The following ACOXL variants were observed in gnomAD, a reference collection of about 807,000 sequenced individuals.
ACOXL encodes acyl-CoA oxidase like, also known as acyl-coenzyme A oxidase-like protein.
ACOXL carries 70 observed loss-of-function variants against 71.9 expected under a neutral mutation model. The ratio of observed to expected loss-of-function variants is 0.97; its 90% CI spans 0.80 to 1.19. The LOEUF (loss-of-function observed/expected upper bound fraction) is 1.19. Ranked by LOEUF, ACOXL falls within the 50% of genes most tolerant of loss-of-function variation. The pLI is 0.00. For missense variants in ACOXL, 703 were observed against 736.3 expected (o/e 0.95, Z 0.52); for synonymous variants, 253 against 281.6 (o/e 0.90, Z 1.02).
intron 10 of ACOXL, among the ~76,000 whole-genome samples, chr2:110,889,339 G>GATATATC (rs1697677095): frequency 6.6e-6 from 1 of 152,128 alleles, no homozygotes; most frequent in Non-Finnish European, 1.5e-5. Context: ...CAGCTTTATT[G>GATATATC]ATATATCATC....
At chr2:111,036,176 G>A (rs147049413) in intron 15 of ACOXL, among the ~76,000 whole-genome samples, 1 of 152,332 alleles carries the variant, frequency 6.6e-6, no homozygotes, top group African/African-American at 2.4e-5. Flanking sequence ...GTTACTACTG[G>A]AGGTGGAGGC....
intron 16 of ACOXL, among the ~76,000 whole-genome samples, chr2:111,091,473 C>T (rs1182646532): frequency 1.3e-5 from 2 of 152,174 alleles, no homozygotes; most frequent in Non-Finnish European, 2.9e-5. Context: ...TAAATTTCTG[C>T]ACCTAGAAAC....
intron 17 of ACOXL, among the ~76,000 whole-genome samples, chr2:111,111,037 C>T (rs1173583558): frequency 6.6e-6 from 1 of 152,040 alleles, no homozygotes; most frequent in Non-Finnish European, 1.5e-5. Flanking sequence ...AGTATGTTTG[C>T]ATTTCTTTGG....
chr2:110,839,808 C>T (rs1256040579), intron 9 of ACOXL, among the ~76,000 whole-genome samples: 1 of 152,114 alleles, frequency 6.6e-6, no homozygotes, highest in Non-Finnish European at 1.5e-5. Context: ...GCCTGGGGAT[C>T]CTCCTATCAT....
Position 110,768,434 on chromosome 2 carries a change from G to C in ACOXL, c.45G>C (p.Leu15=). The change falls in exon 2 of 18, where the codon CTG becomes CTC. Residue 15 remains leucine (L), a synonymous_variant. Transcript: ENST00000439055. ...TVQRVKFAMD[L]PLLKRAGQDL... ...AGAGAGTGAAGTTTGCCATGGACCT[G>C]CCTCTGTTAAAACGTGCAGGTCAGG... 6.2e-7 allele frequency: 1 copy of C among 1,613,842 alleles called. No individual in the cohort carries two copies.
chr2:111,049,016 ACT>A (rs1022865975), intron 15 of ACOXL, among the ~76,000 whole-genome samples, 200 bp from the exon 16 acceptor site: 4 of 151,762 alleles, frequency 2.6e-5, no homozygotes, highest in African/African-American at 4.8e-5. Context: ...TACTGTAATG[ACT>A]CTGTCTGATG....
In ACOXL at chr2:110,793,669, T is replaced by C. The variant is rs1370461839; in HGVS notation, c.179T>C (p.Leu60Pro). ...TGVKCGIIYWLFGGAIRNLGS... is the reference protein window; with the variant it reads ...TGVKCGIIYWPFGGAIRNLGS... ...TTCCAGTGCGGAATAATTTATTGGCTATTTGGTGGTGCTATCAGGAATCTC... is the reference window on the plus strand; with the variant it reads ...TTCCAGTGCGGAATAATTTATTGGCCATTTGGTGGTGCTATCAGGAATCTC... The change falls in exon 4 of 18, where the codon CTA (leucine) becomes CCA (proline). Residue 60 changes from leucine (L) to proline (P), a missense_variant. Transcript: ENST00000439055. The C allele has an allele frequency of 6.2e-7, 1 of 1,614,166 alleles. No homozygotes were observed.
intron 10 of ACOXL, among the ~76,000 whole-genome samples, chr2:110,883,041 GTCCCA>G (rs923377968): frequency 6.7e-6 from 1 of 150,144 alleles, no homozygotes; most frequent in African/African-American, 2.5e-5. Flanking sequence ...AGTTTCCAGT[GTCCCA>G]TCCCTCCATT....
chr2:111,055,677 G>A (rs1189548062), intron 16 of ACOXL, among the ~76,000 whole-genome samples: 1 of 152,254 alleles, frequency 6.6e-6, no homozygotes, highest in Non-Finnish European at 1.5e-5. Context: ...GGCTGGGAAT[G>A]GGATTGGGCC....
intron 10 of ACOXL, among the ~76,000 whole-genome samples, chr2:110,902,357 C>T (rs1268040788): frequency 2.0e-5 from 3 of 151,998 alleles, no homozygotes; most frequent in Non-Finnish European, 2.9e-5. Context: ...GTAGTCCCAA[C>T]TGCTCGAGAG....
intron 12 of ACOXL, among the ~76,000 whole-genome samples, chr2:110,941,447 A>G (rs759760840): frequency 1.1e-4 from 17 of 152,178 alleles, no homozygotes; most frequent in African/African-American, 1.7e-4. Context: ...TTCCTTATCT[A>G]TGTTTGCAGC....
intron 10 of ACOXL, among the ~76,000 whole-genome samples, chr2:110,869,342 A>G (rs1194047585): frequency 6.6e-6 from 1 of 152,178 alleles, no homozygotes; most frequent in Non-Finnish European, 1.5e-5. Flanking sequence ...AGAGCCACAC[A>G]CACTTCCAGA....
At chr2:110,906,367 G>A (rs533233193) in intron 10 of ACOXL, among the ~76,000 whole-genome samples, 7 of 151,640 alleles carry the variant, frequency 4.6e-5, no homozygotes, top group Admixed American at 6.6e-5. Flanking sequence ...GTGAAACCCC[G>A]TCTCTACCAA....
In ACOXL at chr2:110,804,135, C is replaced by T. The variant is rs545754656; in HGVS notation, c.621-1128C>T. 1.2e-4 allele frequency among the ~76,000 whole-genome samples: 18 copies of T among 152,022 alleles called. No individual in the cohort carries two copies. In the South Asian group the frequency reaches 1.7e-3, roughly 14 times the overall value. ...CTGAGTACCTGGGATTACAGGCATG[C>T]GCCACCATGCCTGGCTCATTTTTGT... On this transcript the variant is annotated intron_variant, in intron 8 of 17. Transcript: ENST00000439055.
At chr2:110,970,517 G>A (rs2062138772) in intron 12 of ACOXL, among the ~76,000 whole-genome samples, 1 of 152,192 alleles carries the variant, frequency 6.6e-6, no homozygotes, top group Non-Finnish European at 1.5e-5. Flanking sequence ...AAAAATTATA[G>A]CTAACATCAT....
chr2:110,879,375 G>C (rs1362708212), intron 10 of ACOXL, among the ~76,000 whole-genome samples: 1 of 152,130 alleles, frequency 6.6e-6, no homozygotes, highest in Non-Finnish European at 1.5e-5. Flanking sequence ...TCAAACCGTT[G>C]AAGGAAAAAT....
At chr2:111,023,550 T>TGG in intron 14 of ACOXL, among the ~76,000 whole-genome samples, 1 of 152,042 alleles carries the variant, frequency 6.6e-6, no homozygotes, top group East Asian at 1.9e-4. Flanking sequence ...TGGGTCCGGA[T>TGG]GGGTGTGGGG....
intron 3 of ACOXL, 52 bp downstream of exon 3, chr2:110,784,867 C>T (rs1683764110): frequency 6.6e-7 from 1 of 1,517,780 alleles, no homozygotes; most frequent in South Asian, 1.2e-5. Flanking sequence ...GCTTTGCATG[C>T]CAAGGAATGA....
chr2:110,759,134 A>G (rs1172660977), intron 1 of ACOXL, among the ~76,000 whole-genome samples: 1 of 152,188 alleles, frequency 6.6e-6, no homozygotes, highest in Non-Finnish European at 1.5e-5. Flanking sequence ...TGTAATGATG[A>G]GAAGAATGTA....
Sources: gnomAD v4.1 joint callset for allele counts (sites outside exome capture counted in the v4.1 genomes callset) on GRCh38, gnomAD v4.1.1 for gene constraint, MANE v1.5 for transcripts, NCBI Gene and HGNC (gene_info 2026-07-23, HGNC 2026-07-21) for gene names.